MSR1: variants seen among roughly 807,000 people sequenced by gnomAD.
The protein encoded by MSR1 is macrophage scavenger receptor types I and II.
Under a neutral mutation model 47.2 loss-of-function variants are expected in MSR1, and 53 were observed. That is an observed-to-expected ratio of 1.12 (90% CI 0.90 to 1.41). The LOEUF (loss-of-function observed/expected upper bound fraction) is 1.41, where lower values mean the gene tolerates loss of function less well. Among genes scored for constraint, MSR1 ranks in the 40% most tolerant of loss-of-function variants. The pLI is 0.00. For synonymous variants in MSR1, 239 were observed against 185.6 expected, an observed-to-expected ratio of 1.29 and a Z score of -2.34; for missense variants, 786 against 546.9, an observed-to-expected ratio of 1.44 and a Z score of -4.36.
In MSR1 at chr8:16,175,323, C is replaced by T. The variant is rs113252545; in HGVS notation, c.104-23G>A. 3.5e-4 allele frequency: 557 copies of T among 1,570,632 alleles called. 4 individuals are homozygous for T. The African/African-American group carries it at 6.1e-3, about 17-fold the overall frequency. The stretch of plus-strand genomic sequence containing the variant: ...GATCTAATAAAACAAAAAAGCCCAG[C>T]CTACTGTTAGAAAGTGTTGTCTTCT... On this transcript the variant is annotated intron_variant, in intron 2 of 9. Transcript: ENST00000262101.
At chr8:16,132,874 T>C (rs931469958) in intron 8 of MSR1, among the ~76,000 whole-genome samples, 2 of 152,112 alleles carry the variant, frequency 1.3e-5, no homozygotes, top group Non-Finnish European at 2.9e-5. Flanking sequence ...TGTTTCCAGG[T>C]TTTGCCCATT....
intron 7 of MSR1, among the ~76,000 whole-genome samples, chr8:16,144,831 G>C (rs777457965): frequency 1.3e-4 from 19 of 151,990 alleles, no homozygotes; most frequent in Non-Finnish European, 2.2e-4. Flanking sequence ...CAGAGAATGA[G>C]AGAAAAACTT....
Position 16,143,540 on chromosome 8 carries a change from A to G in MSR1, c.1033+18T>C. The G allele has an allele frequency of 6.2e-7, 1 of 1,608,746 alleles. No individual in the cohort carries two copies. Among genetic ancestry groups the G allele is most frequent in the South Asian group, 1.1e-5 (1 of 90,878 alleles). On this transcript the variant is annotated intron_variant, in intron 8 of 9. Coordinates refer to ENST00000262101, the MANE Select transcript of MSR1 (RefSeq NM_138715.3). ...TATTACAAGAATTCACACAGAAAAC[A>G]AAATACTATATACTTACTTAATGTG... is the stretch of plus-strand genomic sequence containing the variant.
intron 9 of MSR1, among the ~76,000 whole-genome samples, chr8:16,117,825 A>C (rs1461464456): frequency 6.6e-6 from 1 of 152,112 alleles, no homozygotes; most frequent in Non-Finnish European, 1.5e-5. Context: ...CTGATTCCAC[A>C]TAGTGAGTGG....
At chr8:16,132,101 C>T (rs1414013433) in intron 8 of MSR1, among the ~76,000 whole-genome samples, 2 of 151,650 alleles carry the variant, frequency 1.3e-5, no homozygotes, top group Non-Finnish European at 2.9e-5. Context: ...TTAATGATAC[C>T]GATTCTTCCT....
At chr8:16,189,494 A>T (rs1802116209) in intron 1 of MSR1, among the ~76,000 whole-genome samples, 1 of 95,698 alleles carries the variant, frequency 1.0e-5, no homozygotes, top group Non-Finnish European at 1.7e-5. Context: ...ATAAAATCTT[A>T]TTTTATATAT....
intron 8 of MSR1, among the ~76,000 whole-genome samples, chr8:16,126,984 A>G (rs772837810): frequency 2.7e-4 from 41 of 152,210 alleles, no homozygotes; most frequent in Non-Finnish European, 4.4e-4. Context: ...TGTCTGGTAC[A>G]GAGGGTTCAT....
chr8:16,124,114 A>G (rs1422719749), intron 8 of MSR1, among the ~76,000 whole-genome samples: 1 of 152,226 alleles, frequency 6.6e-6, no homozygotes, highest in East Asian at 1.9e-4. Context: ...TAGTTTCTAA[A>G]ATATCCAGGG....
At chr8:16,115,288 G>C (rs1799852824) in intron 9 of MSR1, among the ~76,000 whole-genome samples, 1 of 152,142 alleles carries the variant, frequency 6.6e-6, no homozygotes, top group Non-Finnish European at 1.5e-5. Flanking sequence ...TTAAAACAAT[G>C]CATGTTTCTC....
chr8:16,181,649 G>C (rs989654154), intron 1 of MSR1, among the ~76,000 whole-genome samples: 2 of 152,016 alleles, frequency 1.3e-5, no homozygotes, highest in Admixed American at 1.3e-4. Flanking sequence ...GGGCCTGTCA[G>C]GGGGTGGGAG....
chr8:16,118,190 T>C (rs1210437948), intron 9 of MSR1, among the ~76,000 whole-genome samples: 3 of 152,166 alleles, frequency 2.0e-5, no homozygotes, highest in African/African-American at 4.8e-5. Context: ...TTATACTTCA[T>C]TTTGTCAACA....
At chr8:16,142,740 C>A (rs1321258544) in intron 8 of MSR1, among the ~76,000 whole-genome samples, 3 of 152,084 alleles carry the variant, frequency 2.0e-5, no homozygotes, top group Non-Finnish European at 2.9e-5. Flanking sequence ...AAAACAGACC[C>A]CTGATGATTA....
chr8:16,163,122 A>T (rs996269976), intron 5 of MSR1, among the ~76,000 whole-genome samples: 2 of 152,028 alleles, frequency 1.3e-5, no homozygotes, highest in Non-Finnish European at 2.9e-5. Flanking sequence ...AATATACTAC[A>T]AAGTTTCTGA....
intron 1 of MSR1, among the ~76,000 whole-genome samples, chr8:16,191,734 G>A (rs1802205114): frequency 1.3e-5 from 2 of 152,074 alleles, no homozygotes; most frequent in African/African-American, 4.8e-5. Flanking sequence ...GCTAATCACT[G>A]CATAAAACAT....
At chr8:16,110,722 T>C (rs191432109) in intron 9 of MSR1, among the ~76,000 whole-genome samples, 2 of 152,252 alleles carry the variant, frequency 1.3e-5, no homozygotes, top group East Asian at 3.9e-4. Context: ...GTGTGCCTGG[T>C]TTATCAAATA....
At chr8:16,143,041 T>C (rs956088041) in intron 8 of MSR1, among the ~76,000 whole-genome samples, 5 of 152,282 alleles carry the variant, frequency 3.3e-5, no homozygotes, top group African/African-American at 9.6e-5. Context: ...CGGCAGTAGA[T>C]TGACAAATAT....
intron 7 of MSR1, among the ~76,000 whole-genome samples, chr8:16,148,749 C>T (rs936486909): frequency 6.6e-6 from 1 of 152,110 alleles, no homozygotes; most frequent in Non-Finnish European, 1.5e-5. Context: ...TGTGAGCCAC[C>T]ACGCCCAGCC....
intron 1 of MSR1, among the ~76,000 whole-genome samples, chr8:16,188,456 C>A (rs577294011): frequency 1.3e-5 from 2 of 151,996 alleles, no homozygotes; most frequent in East Asian, 3.9e-4. Context: ...CTTAAAATCA[C>A]CTCATTATTT....
At chr8:16,151,507 A>G (rs977254515) in intron 6 of MSR1, among the ~76,000 whole-genome samples, 2 of 152,144 alleles carry the variant, frequency 1.3e-5, no homozygotes, top group African/African-American at 4.8e-5. Flanking sequence ...ATGTAAGCAC[A>G]GCTGTTGAAC....
Sources: allele counts gnomAD v4.1 joint callset (sites outside exome capture counted in the v4.1 genomes callset), GRCh38; gene constraint gnomAD v4.1.1; transcripts MANE v1.5; gene names NCBI Gene and HGNC (gene_info 2026-07-23, HGNC 2026-07-21).